Variants in ANXA5 observed in about 807,000 individuals in gnomAD.
The protein encoded by ANXA5 is annexin A5, also known as CBP-I.
ANXA5 carries 40 observed loss-of-function variants against 48.1 expected under a neutral mutation model. That is an observed-to-expected ratio of 0.83 (90% CI 0.65 to 1.08). The LOEUF (loss-of-function observed/expected upper bound fraction) is 1.08, where lower values mean the gene tolerates loss of function less well. Among genes scored for constraint, ANXA5 ranks in the 50% least tolerant of loss-of-function variants. The pLI, the probability that ANXA5 is intolerant of heterozygous loss-of-function variation, is 0.00. For missense variants in ANXA5, 357 were observed against 376.8 expected, an observed-to-expected ratio of 0.95 and a Z score of 0.44; for synonymous variants, 113 against 129.1, an observed-to-expected ratio of 0.88 and a Z score of 0.85.
chr4:121,692,816 A>G (rs759673079), intron 2 of ANXA5, among the ~76,000 whole-genome samples: 19 of 152,368 alleles, frequency 1.2e-4, no homozygotes, highest in Non-Finnish European at 2.1e-4. Context: ...TGCATCTATT[A>G]TATCAATAAA....
chr4:121,688,236 T>C (rs1213937552), intron 2 of ANXA5, among the ~76,000 whole-genome samples: 1 of 152,138 alleles, frequency 6.6e-6, no homozygotes, highest in African/African-American at 2.4e-5. Flanking sequence ...TTTCCTTCTT[T>C]ATAAGCCACC....
At chr4:121,690,534 G>A (rs927845380) in intron 2 of ANXA5, among the ~76,000 whole-genome samples, 1 of 151,998 alleles carries the variant, frequency 6.6e-6, no homozygotes, top group African/African-American at 2.4e-5. Context: ...CGGTCTCAAT[G>A]AAACAACAGT....
At chr4:121,674,162 G>A (rs1183258841) in intron 8 of ANXA5, among the ~76,000 whole-genome samples, 2 of 129,862 alleles carry the variant, frequency 1.5e-5, no homozygotes, top group African/African-American at 2.8e-5. Flanking sequence ...GCCTGGGCAC[G>A]AAGGAAAGGA....
At chr4:121,687,508 C>G (rs190555812) in intron 2 of ANXA5, among the ~76,000 whole-genome samples, 2 of 152,262 alleles carry the variant, frequency 1.3e-5, no homozygotes, top group East Asian at 3.9e-4. Context: ...GTAAAGCTAG[C>G]CTCGTTTACA....
chr4:121,681,861 ATAT>A, intron 5 of ANXA5, 100 bp from the exon 6 acceptor site: 1 of 738,618 alleles, frequency 1.4e-6, no homozygotes, highest in Non-Finnish European at 2.3e-6. Context: ...AGTTATATAA[ATAT>A]TATCCAGTAT....
At chr4:121,681,207 C>T (rs1724787713) in intron 6 of ANXA5, among the ~76,000 whole-genome samples, 2 of 152,176 alleles carry the variant, frequency 1.3e-5, no homozygotes, top group South Asian at 4.1e-4. Flanking sequence ...TCAAGCACTG[C>T]CATTAGCTAA....
chr4:121,696,493 T>C (rs1725084410), intron 2 of ANXA5, 88 bp downstream of exon 2: 14 of 1,239,910 alleles, frequency 1.1e-5, no homozygotes, highest in South Asian at 7.0e-5. Flanking sequence ...CCTAAACTTT[T>C]TGGCTCTCAG....
In ANXA5 at chr4:121,677,952, T is replaced by G. The variant is rs1453480297; in HGVS notation, c.475-2A>C. On this transcript the variant is annotated splice_acceptor_variant, in intron 7 of 12. Transcript: ENST00000296511. LOFTEE classifies it high-confidence loss of function. ...TCCAGCATCAGGGTCTCTGTTAGCC[T>G]ATGAGAGGTAATATGTCACATTACT... The G allele has an allele frequency of 6.2e-7, 1 of 1,613,188 alleles. No homozygotes were observed. The highest frequency in any genetic ancestry group is 8.5e-7 in the Non-Finnish European group (1 of 1,179,218).
At position 121,671,667 on chromosome 4, in the gene ANXA5, T is replaced by A. The variant is rs2306418; in HGVS notation, c.626-25A>T. On this transcript the variant is annotated intron_variant, in intron 9 of 12. Coordinates refer to ENST00000296511, the MANE Select transcript of ANXA5 (RefSeq NM_001154.4). ...ACTAGAAAAAATAAAAATGATTCCCTAATCATGTAGGGATCACTCTTTCCA... is the reference window on the plus strand; with the variant it reads ...ACTAGAAAAAATAAAAATGATTCCCAAATCATGTAGGGATCACTCTTTCCA... 10,335 of 1,468,752 alleles carry A rather than the reference T, an allele frequency of 7.0e-3. 664 individuals are homozygous for A. In the Admixed American group the frequency reaches 0.13, roughly 18 times the overall value. The allele number at this position is 1,468,752 out of a possible 1,614,324, so 91.0% of individuals were successfully genotyped here.
intron 5 of ANXA5, among the ~76,000 whole-genome samples, chr4:121,682,349 C>CT (rs1343027791): frequency 6.6e-6 from 1 of 152,012 alleles, no homozygotes; most frequent in Non-Finnish European, 1.5e-5. Context: ...TTTTAGTTGG[C>CT]TTTCCTTTTT....
chr4:121,696,556 C>G, intron 2 of ANXA5, 25 bp downstream of exon 2: 2 of 1,387,044 alleles, frequency 1.4e-6, no homozygotes, highest in Non-Finnish European at 1.9e-6. Context: ...GTAAATCCAG[C>G]GCAGTGGGGG....
At chr4:121,682,690 A>G (rs535449787) in intron 5 of ANXA5, among the ~76,000 whole-genome samples, 1 of 152,280 alleles carries the variant, frequency 6.6e-6, no homozygotes, top group Non-Finnish European at 1.5e-5. Context: ...CTCCATCAGT[A>G]AGAATCCCTG....
At position 121,684,716 on chromosome 4, in the gene ANXA5, G is replaced by A. The variant is rs142171370; in HGVS notation, c.150C>T (p.Arg50=). ...TCTTAAAAGCTGCAGAGATTTCCTGGCGCTGAGCATTACTTCGGGATGTCA... is the reference window on the plus strand; with the variant it reads ...TCTTAAAAGCTGCAGAGATTTCCTGACGCTGAGCATTACTTCGGGATGTCA... The part of the protein sequence containing the change: ...TLLTSRSNAQ[R]QEISAAFKTL... Residue 50 remains arginine, a synonymous_variant, in exon 4 of 13, where the codon CGC becomes CGT. Coordinates refer to ENST00000296511, the MANE Select transcript of ANXA5 (RefSeq NM_001154.4). 3.7e-6 allele frequency: 6 copies of A among 1,613,802 alleles called. No homozygotes were observed. The African/African-American group carries it at 8.0e-5, about 22-fold the overall frequency.
At chr4:121,671,745 C>T (rs1724616537) in intron 9 of ANXA5, 103 bp from the exon 10 acceptor site, 1 of 768,992 alleles carries the variant, frequency 1.3e-6, no homozygotes, top group Non-Finnish European at 2.2e-6. Flanking sequence ...ACAAATCTCC[C>T]CTTCTTCCTT....
chr4:121,678,319 T>G, intron 7 of ANXA5, 96 bp downstream of exon 7: 1 of 990,304 alleles, frequency 1.0e-6, no homozygotes, highest in Non-Finnish European at 1.5e-6. Flanking sequence ...GTACCACAAA[T>G]TATTAAAAGA....
At chr4:121,683,567 ATTCT>A in intron 4 of ANXA5, 90 bp from the exon 5 acceptor site, 1 of 707,104 alleles carries the variant, frequency 1.4e-6, no homozygotes. Context: ...GCTCTAATGA[ATTCT>A]TTATGTTGCT....
In ANXA5 at chr4:121,681,703, T is replaced by C. The variant is rs772884444; in HGVS notation, c.362A>G (p.Glu121Gly). 5.6e-6 allele frequency: 9 copies of C among 1,612,882 alleles called. No individual in the cohort carries two copies. Among genetic ancestry groups the C allele is most frequent in the Non-Finnish European group, 7.6e-6 (9 of 1,179,190 alleles). Residue 121 changes from glutamate to glycine, a missense_variant, in exon 6 of 13, where the codon GAA becomes GGA. Physicochemically the swap from Glu to Gly is moderately conservative, Grantham distance 98. Coordinates refer to ENST00000296511, the MANE Select transcript of ANXA5 (RefSeq NM_001154.4). ...TEIIASRTPEELRAIKQVYEE... is the reference protein window; with the variant it reads ...TEIIASRTPEGLRAIKQVYEE... ...ATAAACTTGTTTGATGGCTCTCAGT[T>C]CTTCAGGTGTCCTTGAAGCAATAAT...
intron 5 of ANXA5, among the ~76,000 whole-genome samples, chr4:121,682,920 G>A (rs1190797694): frequency 6.6e-6 from 1 of 152,054 alleles, no homozygotes; most frequent in African/African-American, 2.4e-5. Flanking sequence ...TAGAGGGGCA[G>A]GAAAGAAGGA....
At chr4:121,689,831 CAA>C (rs1724952089) in intron 2 of ANXA5, among the ~76,000 whole-genome samples, 1 of 152,124 alleles carries the variant, frequency 6.6e-6, no homozygotes, top group Non-Finnish European at 1.5e-5. Context: ...ACTAACAACA[CAA>C]AGAAGGAAAG....
Sources: allele counts gnomAD v4.1 joint callset (sites outside exome capture counted in the v4.1 genomes callset), GRCh38; gene constraint gnomAD v4.1.1; transcripts MANE v1.5; gene names NCBI Gene and HGNC (gene_info 2026-07-23, HGNC 2026-07-21).